NDUFS4: variants seen among roughly 807,000 people sequenced by gnomAD.
NDUFS4 encodes the protein NADH:ubiquinone oxidoreductase subunit S4.
In NDUFS4, 28 loss-of-function variants were observed where a neutral mutation model predicts 24.3. The ratio of observed to expected loss-of-function variants is 1.15; its 90% CI spans 0.85 to 1.58. NDUFS4 has a LOEUF of 1.58. Ranked by LOEUF, NDUFS4 falls within the 40% of genes most tolerant of loss-of-function variation. NDUFS4 has a pLI of 0.00. For missense variants in NDUFS4, 223 were observed against 207.9 expected (o/e 1.07, Z -0.45); for synonymous variants, 93 against 69.7 (o/e 1.34, Z -1.67).
At chr5:53,653,355 T>C (rs1752072728) in intron 3 of NDUFS4, among the ~76,000 whole-genome samples, 1 of 152,202 alleles carries the variant, frequency 6.6e-6, no homozygotes, top group East Asian at 1.9e-4. Flanking sequence ...CAGATAGTTC[T>C]TTTGATTATG....
chr5:53,682,227 T>G (rs1353600566), intron 4 of NDUFS4, among the ~76,000 whole-genome samples: 3 of 152,172 alleles, frequency 2.0e-5, no homozygotes, highest in Non-Finnish European at 4.4e-5. Context: ...GTTTCCCATG[T>G]TTTAGGAGAA....
At position 53,666,742 on chromosome 5, in the gene NDUFS4, C is replaced by A. The variant is rs1752525308; in HGVS notation, c.424+8118C>A. On this transcript the variant is annotated intron_variant, in intron 4 of 4. Coordinates refer to ENST00000296684, the MANE Select transcript of NDUFS4 (RefSeq NM_002495.4). ...CTTGAGGTCAGGAGTTGGAGACCAGCCTGGCCAACAGCAAAACCCTGGTTC... is the reference window on the plus strand; with the variant it reads ...CTTGAGGTCAGGAGTTGGAGACCAGACTGGCCAACAGCAAAACCCTGGTTC... Among the ~76,000 whole-genome samples the A allele has an allele frequency of 2.6e-5, 4 of 152,026 alleles. No individual in the cohort carries two copies. In the South Asian group the frequency reaches 8.3e-4, roughly 32 times the overall value.
At chr5:53,571,090 C>G (rs1430004693) in intron 1 of NDUFS4, among the ~76,000 whole-genome samples, 1 of 151,984 alleles carries the variant, frequency 6.6e-6, no homozygotes, top group Admixed American at 6.6e-5. Context: ...ATAAAATTTA[C>G]TCATATAAAG....
At chr5:53,659,183 T>G (rs1447993637) in intron 4 of NDUFS4, among the ~76,000 whole-genome samples, 7 of 152,154 alleles carry the variant, frequency 4.6e-5, no homozygotes, top group Admixed American at 1.3e-4. Context: ...TAATGTGGCC[T>G]AAGAGTATAT....
intron 4 of NDUFS4, among the ~76,000 whole-genome samples, chr5:53,681,033 G>A (rs368056079): frequency 1.3e-5 from 2 of 151,934 alleles, no homozygotes; most frequent in African/African-American, 4.8e-5. Flanking sequence ...AGCTATACCC[G>A]AAACAACACA....
intron 4 of NDUFS4, among the ~76,000 whole-genome samples, chr5:53,671,114 T>G (rs568351544): frequency 5.3e-5 from 8 of 152,126 alleles, no homozygotes; most frequent in East Asian, 3.9e-4. Context: ...ACCTATAGTA[T>G]CTCTATAAGT....
intron 1 of NDUFS4, among the ~76,000 whole-genome samples, chr5:53,574,996 C>A (rs536582914): frequency 1.3e-5 from 2 of 152,170 alleles, no homozygotes; most frequent in Admixed American, 6.5e-5. Context: ...GAAGAACCCT[C>A]CTTCAGATTT....
intron 2 of NDUFS4, among the ~76,000 whole-genome samples, chr5:53,640,081 GT>G (rs201497966): frequency 0.094 from 13,959 of 148,442 alleles, 764 homozygotes; most frequent in Non-Finnish European, 0.13. Flanking sequence ...TTTTCAGATA[GT>G]TTTTTTTTTT....
At chr5:53,679,559 C>T (rs1740585685) in intron 4 of NDUFS4, among the ~76,000 whole-genome samples, 1 of 152,152 alleles carries the variant, frequency 6.6e-6, no homozygotes, top group African/African-American at 2.4e-5. Flanking sequence ...TGCAGTGACC[C>T]TGACCACATT....
At position 53,683,309 on chromosome 5, in the gene NDUFS4, TCTC is replaced by T; in HGVS notation, c.*91_*93del. The T allele has an allele frequency of 1.6e-5, 15 of 950,450 alleles. No homozygotes were observed. The highest frequency in any genetic ancestry group is 2.4e-5 in the Non-Finnish European group (14 of 586,396). 58.9% of individuals were successfully genotyped at this position (950,450 alleles called of 1,614,324 possible). A position where few individuals can be genotyped will look rare whatever the true frequency, so the allele number is the denominator to read the frequency against. On this transcript the variant is annotated 3_prime_UTR_variant, in exon 5 of 5. Coordinates refer to ENST00000296684, the MANE Select transcript of NDUFS4 (RefSeq NM_002495.4). Reference sequence around the variant, plus strand: ...CATGTATAATAAATACATCTCTTAATCTCCTAATAAATTGGACCTTTAAACTAC... The same window carrying T: ...CATGTATAATAAATACATCTCTTAATCTAATAAATTGGACCTTTAAACTAC...
intron 2 of NDUFS4, among the ~76,000 whole-genome samples, chr5:53,628,284 A>G (rs1426150642): frequency 6.6e-6 from 1 of 152,182 alleles, no homozygotes; most frequent in Non-Finnish European, 1.5e-5. Flanking sequence ...TTGGTTTGCT[A>G]GCATTTTATT....
chr5:53,662,138 A>G (rs888160755), intron 4 of NDUFS4, among the ~76,000 whole-genome samples: 1 of 152,192 alleles, frequency 6.6e-6, no homozygotes, highest in African/African-American at 2.4e-5. Flanking sequence ...TGGGTTTGTC[A>G]TAGATAGCTC....
chr5:53,587,057 C>T (rs898488346), intron 1 of NDUFS4, among the ~76,000 whole-genome samples: 5 of 152,080 alleles, frequency 3.3e-5, no homozygotes, highest in Non-Finnish European at 5.9e-5. Context: ...CTTCTTACCT[C>T]AAGTGATCTG....
intron 3 of NDUFS4, among the ~76,000 whole-genome samples, chr5:53,650,518 A>G (rs1371404397): frequency 6.6e-6 from 1 of 152,200 alleles, no homozygotes; most frequent in Non-Finnish European, 1.5e-5. Context: ...TGATCTAATG[A>G]TTATAAACTA....
At chr5:53,574,480 AT>A (rs1392138964) in intron 1 of NDUFS4, among the ~76,000 whole-genome samples, 1 of 152,038 alleles carries the variant, frequency 6.6e-6, no homozygotes, top group African/African-American at 2.4e-5. Context: ...TTTGTTGAAG[AT>A]TTTTACATCT....
Position 53,634,497 on chromosome 5 carries a change from TTTTAA to T in NDUFS4, c.178-11731_178-11727del, listed in dbSNP as rs1751495053. Among the ~76,000 whole-genome samples, 9 of 152,338 alleles carry T rather than the reference TTTTAA, an allele frequency of 5.9e-5. No homozygotes were observed. In the South Asian group the frequency reaches 1.9e-3, roughly 32 times the overall value. On this transcript the variant is annotated intron_variant, in intron 2 of 4. Coordinates refer to ENST00000296684, the MANE Select transcript of NDUFS4 (RefSeq NM_002495.4). The stretch of plus-strand genomic sequence containing the variant: ...ATGTATGCTATGTGTTCTTTAGCCT[TTTTAA>T]TTTATTACCAGGAGATGAAGAGTAC...
rs764367484 is a variant in NDUFS4 at position 53,600,477 on chromosome 5, T to G, written c.99-2975T>G. ...GCATGCCCCACCAAGCCCAGCTAAT[T>G]TTTGTATTTTTAGTAGAGGTGGGGT... is the stretch of plus-strand genomic sequence containing the variant. On this transcript the variant is annotated intron_variant, in intron 1 of 4. Transcript: ENST00000296684. Among the ~76,000 whole-genome samples the G allele has an allele frequency of 4.3e-4, 66 of 151,950 alleles. No individual in the cohort carries two copies. The Middle Eastern group carries it at 9.5e-3, about 22-fold the overall frequency.
At chr5:53,624,548 C>G (rs773029145) in intron 2 of NDUFS4, among the ~76,000 whole-genome samples, 8 of 152,110 alleles carry the variant, frequency 5.3e-5, no homozygotes, top group African/African-American at 1.7e-4. Context: ...ACAAATCTTT[C>G]GTTTTCTAAG....
At chr5:53,659,890 C>T (rs754237036) in intron 4 of NDUFS4, among the ~76,000 whole-genome samples, 10 of 152,012 alleles carry the variant, frequency 6.6e-5, no homozygotes, top group East Asian at 3.9e-4. Flanking sequence ...TTTCCTCATA[C>T]GTGCAATGAG....
Sources: allele counts gnomAD v4.1 joint callset (sites outside exome capture counted in the v4.1 genomes callset), GRCh38; gene constraint gnomAD v4.1.1; transcripts MANE v1.5; gene names NCBI Gene and HGNC (gene_info 2026-07-23, HGNC 2026-07-21).